The following PARD3B variants were observed in gnomAD, a reference collection of about 807,000 sequenced individuals.
PARD3B encodes partitioning defective 3 homolog B.
PARD3B carries 103 observed loss-of-function variants against 130.2 expected under a neutral mutation model. That is an observed-to-expected ratio of 0.79 (90% CI 0.67 to 0.93). PARD3B has a LOEUF of 0.93. PARD3B is among the 40% of genes least tolerant of loss of function. The pLI is 0.00. For synonymous variants in PARD3B, 583 were observed against 553.2 expected (o/e 1.05, Z -0.76); for missense variants, 1,609 against 1,499.2 (o/e 1.07, Z -1.21).
intron 19 of PARD3B, among the ~76,000 whole-genome samples, chr2:205,431,457 A>C (rs1047112847): frequency 1.3e-5 from 2 of 152,072 alleles, no homozygotes; most frequent in Non-Finnish European, 2.9e-5. Flanking sequence ...TGGATATCTG[A>C]AAGTTTTCAT....
chr2:205,448,834 G>GA (rs1393367803), intron 20 of PARD3B, among the ~76,000 whole-genome samples: 1 of 152,108 alleles, frequency 6.6e-6, no homozygotes, highest in Non-Finnish European at 1.5e-5. Context: ...CCATGTTTGT[G>GA]AAAATCCATT....
chr2:205,120,845 C>A (rs931294982), intron 7 of PARD3B, among the ~76,000 whole-genome samples: 3 of 152,170 alleles, frequency 2.0e-5, no homozygotes, highest in Non-Finnish European at 4.4e-5. Context: ...TCATTTATAT[C>A]TTCTGGGCAA....
At chr2:204,702,096 A>G (rs2037923657) in intron 2 of PARD3B, among the ~76,000 whole-genome samples, 1 of 152,136 alleles carries the variant, frequency 6.6e-6, no homozygotes, top group Non-Finnish European at 1.5e-5. Context: ...ATGGCTGCGT[A>G]GTAATTCTAT....
chr2:204,585,615 A>G (rs376936587), intron 1 of PARD3B, among the ~76,000 whole-genome samples: 3 of 150,996 alleles, frequency 2.0e-5, no homozygotes, highest in African/African-American at 7.3e-5. Flanking sequence ...AAGTGCTGGG[A>G]TTACAGGCAT....
chr2:205,073,331 A>T (rs1700854129), intron 4 of PARD3B, among the ~76,000 whole-genome samples: 2 of 152,182 alleles, frequency 1.3e-5, no homozygotes, highest in Non-Finnish European at 2.9e-5. Context: ...TATAAAGAAG[A>T]TTGGTTCTGG....
At chr2:204,638,901 A>G (rs1045103199) in intron 1 of PARD3B, among the ~76,000 whole-genome samples, 1 of 152,162 alleles carries the variant, frequency 6.6e-6, no homozygotes, top group African/African-American at 2.4e-5. Context: ...TTAGGCCTTT[A>G]GATTCCTCCA....
chr2:204,909,638 C>A (rs2047162157), intron 2 of PARD3B, among the ~76,000 whole-genome samples: 1 of 152,114 alleles, frequency 6.6e-6, no homozygotes, highest in African/African-American at 2.4e-5. Flanking sequence ...TGAAGATAAT[C>A]ATAGTACCTA....
chr2:204,853,928 T>C (rs7577347), intron 2 of PARD3B, among the ~76,000 whole-genome samples: 22,356 of 152,170 alleles, frequency 0.15, 2,337 homozygotes, highest in African/African-American at 0.29. Context: ...AGGAGTTTTA[T>C]ATAAATAGAG....
intron 22 of PARD3B, among the ~76,000 whole-genome samples, chr2:205,588,860 C>A (rs552862836): frequency 6.6e-6 from 1 of 152,334 alleles, no homozygotes; most frequent in Admixed American, 6.5e-5. Flanking sequence ...TGGCAAACTC[C>A]AACTCTCAGG....
chr2:205,491,372 C>T (rs1429514633), intron 20 of PARD3B, among the ~76,000 whole-genome samples: 3 of 152,128 alleles, frequency 2.0e-5, no homozygotes, highest in African/African-American at 4.8e-5. Context: ...GGAATTGTTT[C>T]CCCATTTCTT....
In PARD3B at chr2:205,499,966, G is replaced by A; in HGVS notation, c.3115G>A (p.Glu1039Lys). 6.2e-7 allele frequency: 1 copy of A among 1,613,912 alleles called. No homozygotes were observed. The highest frequency in any genetic ancestry group is 8.5e-7 in the Non-Finnish European group (1 of 1,179,808). Residue 1039 changes from glutamate (E) to lysine (K), a missense_variant, in exon 21 of 23, where the codon GAA becomes AAA. Coordinates refer to ENST00000406610, the MANE Select transcript of PARD3B (RefSeq NM_001302769.2). ...GAAAGAGTATTATCAGGCTCGGAGG[G>A]AAGGTTTCCCTTTATATGAAGACGA... ...LRKEYYQARR[E>K]GFPLYEDDEG...
At position 204,545,846 on chromosome 2, in the gene PARD3B, C is replaced by T; in HGVS notation, c.-154C>T. On this transcript the variant is annotated 5_prime_UTR_variant, in exon 1 of 23. Transcript: ENST00000406610. ...CTGCCGCCTGGCCAGGTGGAAGGGG[C>T]GCTGCCGCGAGCCTCCGGGCCTCAG... is the stretch of plus-strand genomic sequence containing the variant. 1 of 791,270 alleles carries T rather than the reference C, an allele frequency of 1.3e-6. No homozygotes were observed. The highest frequency in any genetic ancestry group is 4.3e-5 in the Admixed American group (1 of 23,486). 49.0% of individuals were successfully genotyped at this position (791,270 alleles called of 1,614,324 possible). A position where few individuals can be genotyped will look rare whatever the true frequency, so the allele number is the denominator to read the frequency against.
chr2:204,578,320 ACT>A (rs758928576), intron 1 of PARD3B, among the ~76,000 whole-genome samples: 5 of 151,740 alleles, frequency 3.3e-5, no homozygotes, highest in Non-Finnish European at 5.9e-5. Context: ...TATTTTAAAA[ACT>A]CTGCTTGCGT....
At chr2:205,299,281 G>A (rs574854290) in intron 16 of PARD3B, among the ~76,000 whole-genome samples, 3 of 152,108 alleles carry the variant, frequency 2.0e-5, no homozygotes, top group Non-Finnish European at 4.4e-5. Context: ...CAAAAATAGT[G>A]ATGATAGTAA....
At chr2:205,224,385 A>G (rs1182708705) in intron 15 of PARD3B, among the ~76,000 whole-genome samples, 108 of 147,584 alleles carry the variant, frequency 7.3e-4, no homozygotes, top group African/African-American at 2.6e-3. Flanking sequence ...AAAAAAAAAA[A>G]AAAGAAAGAA....
intron 20 of PARD3B, among the ~76,000 whole-genome samples, chr2:205,449,290 C>T (rs951401910): frequency 1.3e-5 from 2 of 150,726 alleles, no homozygotes; most frequent in Non-Finnish European, 2.9e-5. Flanking sequence ...AATGCAGTGG[C>T]GCGATCTCAG....
rs74268563 is a variant in PARD3B, at chr2:204,824,360, C to G, written c.222+138078C>G. 8.5e-5 allele frequency among the ~76,000 whole-genome samples: 13 copies of G among 152,236 alleles called. No homozygotes were observed. The East Asian group carries it at 2.5e-3, about 29-fold the overall frequency. On this transcript the variant is annotated intron_variant, in intron 2 of 22. Transcript: ENST00000406610. ...TATCCTTCTACCAAAGATCACAGCT[C>G]AAACTAAGGTAGCCCTTTCTCCATC...
intron 22 of PARD3B, among the ~76,000 whole-genome samples, chr2:205,587,262 C>T (rs986168931): frequency 6.6e-6 from 1 of 152,158 alleles, no homozygotes; most frequent in African/African-American, 2.4e-5. Flanking sequence ...TCCATTTCTT[C>T]GTAAGCCACA....
intron 20 of PARD3B, among the ~76,000 whole-genome samples, chr2:205,466,290 A>G (rs2048621127): frequency 6.6e-6 from 1 of 152,226 alleles, no homozygotes; most frequent in African/African-American, 2.4e-5. Flanking sequence ...TCATTTCCTC[A>G]TATCGGTGAG....
Sources: allele counts gnomAD v4.1 joint callset (sites outside exome capture counted in the v4.1 genomes callset), GRCh38; gene constraint gnomAD v4.1.1; transcripts MANE v1.5; gene names NCBI Gene and HGNC (gene_info 2026-07-23, HGNC 2026-07-21).